CACNA1D: variants seen among roughly 807,000 people sequenced by gnomAD.
CACNA1D encodes calcium voltage-gated channel subunit alpha1 D.
A neutral mutation model predicts 257.1 loss-of-function variants in CACNA1D; 55 were observed. The observed-to-expected ratio is 0.21, with a 90% CI of 0.17 to 0.27. The LOEUF is 0.27. Among genes scored for constraint, CACNA1D ranks in the 10% least tolerant of loss-of-function variants. The pLI is 1.00. For synonymous variants in CACNA1D, 980 were observed against 1,014.9 expected, an observed-to-expected ratio of 0.97 and a Z score of 0.65; for missense variants, 1,876 against 2,784.0, an observed-to-expected ratio of 0.67 and a Z score of 7.34.
At chr3:53,620,915 A>G (rs2093690028) in intron 3 of CACNA1D, among the ~76,000 whole-genome samples, 1 of 152,196 alleles carries the variant, frequency 6.6e-6, no homozygotes, top group Non-Finnish European at 1.5e-5. Flanking sequence ...GGCCAGAGGA[A>G]GAAGGGATGT....
intron 9 of CACNA1D, among the ~76,000 whole-genome samples, chr3:53,714,585 C>T (rs2094798911): frequency 6.6e-6 from 1 of 152,160 alleles, no homozygotes; most frequent in Admixed American, 6.5e-5. Context: ...TAAAGGTCAT[C>T]AGAATAGTAA....
intron 46 of CACNA1D, chr3:53,809,644 G>A: frequency 2.5e-6 from 1 of 394,128 alleles, no homozygotes. Flanking sequence ...TTTAAACCCA[G>A]CATGAACTGG....
intron 3 of CACNA1D, among the ~76,000 whole-genome samples, chr3:53,545,435 C>T (rs2092391091): frequency 1.3e-5 from 2 of 152,142 alleles, no homozygotes; most frequent in African/African-American, 2.4e-5. Context: ...GGATGTACCT[C>T]GATTGGGCTT....
chr3:53,749,409 C>A lies in CACNA1D; in HGVS notation c.3456C>A (p.Ile1152=). 1.2e-6 allele frequency: 2 copies of A among 1,613,938 alleles called. No individual in the cohort carries two copies. Among genetic ancestry groups the A allele is most frequent in the Non-Finnish European group, 1.7e-6 (2 of 1,179,814 alleles). ...FMMNIFVGFV[I]VTFQEQGEKE... ...TGAACATCTTTGTGGGCTTTGTCAT[C>A]GTTACATTTCAGGAACAAGGAGAAA... The change falls in exon 27 of 48, where the codon ATC becomes ATA. Residue 1152 remains isoleucine (I), a synonymous_variant. Transcript: ENST00000350061.
At chr3:53,681,009 C>T (rs886389551) in intron 8 of CACNA1D, among the ~76,000 whole-genome samples, 2 of 152,150 alleles carry the variant, frequency 1.3e-5, no homozygotes, top group African/African-American at 4.8e-5. Context: ...GATGGATGCA[C>T]CCAAGCCCTA....
chr3:53,610,602 C>T (rs1474475597), intron 3 of CACNA1D, among the ~76,000 whole-genome samples: 1 of 152,200 alleles, frequency 6.6e-6, no homozygotes, highest in East Asian at 1.9e-4. Flanking sequence ...ACTATGACAA[C>T]TCTGTCTTCC....
chr3:53,667,359 G>T (rs11712826), intron 7 of CACNA1D, among the ~76,000 whole-genome samples: 3 of 152,126 alleles, frequency 2.0e-5, no homozygotes, highest in Non-Finnish European at 4.4e-5. Context: ...CAGAAGTTTA[G>T]AAATTGTTTT....
At chr3:53,701,856 C>CCTGT (rs1396503245) in intron 8 of CACNA1D, among the ~76,000 whole-genome samples, 1 of 152,220 alleles carries the variant, frequency 6.6e-6, no homozygotes, top group Non-Finnish European at 1.5e-5. Flanking sequence ...GGAACATTTA[C>CCTGT]CTGTCTGCCA....
At chr3:53,663,789 C>T (rs2094230641) in intron 5 of CACNA1D, among the ~76,000 whole-genome samples, 1 of 152,086 alleles carries the variant, frequency 6.6e-6, no homozygotes, top group African/African-American at 2.4e-5. Context: ...CTCTCTCTCT[C>T]TCTCTCTCTT....
chr3:53,767,807 C>T (rs1238007480), intron 30 of CACNA1D, among the ~76,000 whole-genome samples: 1 of 152,200 alleles, frequency 6.6e-6, no homozygotes, highest in African/African-American at 2.4e-5. Context: ...GCAACTTGCA[C>T]TGTCCCCCCG....
At chr3:53,532,057 G>A (rs958001671) in intron 3 of CACNA1D, among the ~76,000 whole-genome samples, 2 of 152,170 alleles carry the variant, frequency 1.3e-5, no homozygotes, top group African/African-American at 2.4e-5. Flanking sequence ...GTAGGGTAAT[G>A]TTTATAGCCA....
intron 14 of CACNA1D, among the ~76,000 whole-genome samples, chr3:53,726,186 G>A (rs1209032089): frequency 1.3e-5 from 2 of 151,678 alleles, no homozygotes; most frequent in Admixed American, 6.5e-5. Flanking sequence ...TGCATAGCAT[G>A]ATATCCTTTA....
intron 37 of CACNA1D, among the ~76,000 whole-genome samples, chr3:53,777,964 T>C (rs2095406924): frequency 6.6e-6 from 1 of 152,240 alleles, no homozygotes; most frequent in Non-Finnish European, 1.5e-5. Context: ...TTGCTCCTCA[T>C]GGATCCAAGG....
intron 3 of CACNA1D, among the ~76,000 whole-genome samples, chr3:53,593,708 C>T (rs941250920): frequency 3.9e-5 from 6 of 152,176 alleles, no homozygotes; most frequent in Admixed American, 1.3e-4. Context: ...GTGGGAAGAG[C>T]AGTGCTCCAA....
chr3:53,509,691 G>A (rs1383480926), intron 3 of CACNA1D, among the ~76,000 whole-genome samples: 1 of 152,104 alleles, frequency 6.6e-6, no homozygotes, highest in Non-Finnish European at 1.5e-5. Flanking sequence ...GCCCAGCCAG[G>A]GAAGGCAGGA....
At chr3:53,781,269 G>A (rs2095424072) in intron 38 of CACNA1D, among the ~76,000 whole-genome samples, 1 of 152,196 alleles carries the variant, frequency 6.6e-6, no homozygotes, top group South Asian at 2.1e-4. Flanking sequence ...TGGAAAGCAA[G>A]TAGTAGGTCT....
At chr3:53,712,150 A>T (rs1052604269) in intron 9 of CACNA1D, among the ~76,000 whole-genome samples, 6 of 152,246 alleles carry the variant, frequency 3.9e-5, no homozygotes, top group African/African-American at 1.4e-4. Context: ...GCCTTGCTGA[A>T]TGCAGGCTTG....
chr3:53,539,000 G>A (rs2092219409), intron 3 of CACNA1D, among the ~76,000 whole-genome samples: 1 of 152,046 alleles, frequency 6.6e-6, no homozygotes, highest in Admixed American at 6.6e-5. Flanking sequence ...TGACTTCCTC[G>A]ATTTTCTTTC....
intron 4 of CACNA1D, among the ~76,000 whole-genome samples, chr3:53,655,305 T>G (rs549536974): frequency 2.0e-5 from 3 of 152,176 alleles, no homozygotes; most frequent in Non-Finnish European, 4.4e-5. Context: ...TATGGTAGAA[T>G]GGTTTATTTT....
Sources: allele counts gnomAD v4.1 joint callset (sites outside exome capture counted in the v4.1 genomes callset), GRCh38; gene constraint gnomAD v4.1.1; transcripts MANE v1.5; gene names NCBI Gene and HGNC (gene_info 2026-07-23, HGNC 2026-07-21).